FLNA: variants seen among roughly 807,000 people sequenced by gnomAD.
FLNA encodes filamin A.
Under a neutral mutation model 157.6 loss-of-function variants are expected in FLNA, and 7 were observed. The ratio of observed to expected loss-of-function variants is 0.04; its 90% CI spans 0.03 to 0.08. The LOEUF (loss-of-function observed/expected upper bound fraction) is 0.08. Ranked by LOEUF, FLNA falls within the 10% of genes least tolerant of loss-of-function variation. The pLI is 1.00. For missense variants in FLNA, 1,750 were observed against 2,398.4 expected (o/e 0.73, Z 5.65); for synonymous variants, 1,103 against 1,060.8 (o/e 1.04, Z -0.77).
At chrX:154,365,528 G>T in intron 9 of FLNA, 42 bp from the exon 10 acceptor site, 3 of 1,201,031 alleles carry the variant, frequency 2.5e-6, no homozygotes, top group Non-Finnish European at 3.4e-6. Flanking sequence ...AGCTCGGCTG[G>T]GCGACCCCTC....
At chrX:154,357,363 G>A (rs1173480750) in intron 29 of FLNA, 71 bp downstream of exon 29, 26 of 1,193,387 alleles carry the variant, frequency 2.2e-5, no homozygotes, top group Middle Eastern at 2.4e-4. Flanking sequence ...CCCAAGCAGC[G>A]AGCCCTTGCA....
At chrX:154,362,178 C>T in intron 18 of FLNA, 30 bp from the exon 19 acceptor site, 3 of 1,209,608 alleles carry the variant, frequency 2.5e-6, no homozygotes, top group Non-Finnish European at 3.4e-6. Context: ...CATGTAGGGG[C>T]ACCCTGCCCC....
intron 21 of FLNA, 43 bp from the exon 22 acceptor site, chrX:154,360,630 C>G: frequency 9.1e-7 from 1 of 1,096,951 alleles, no homozygotes; most frequent in Non-Finnish European, 1.2e-6. Context: ...CACTATGCCC[C>G]GATCCCAGAC....
rs2067687279 is a variant in FLNA at position 154,359,422 on chromosome X, A to G, written c.4143-16T>C. 2 of 1,211,693 alleles carry G rather than the reference A, an allele frequency of 1.7e-6. No homozygotes were observed. Among genetic ancestry groups the G allele is most frequent in the East Asian group, 5.9e-5 (2 of 33,858 alleles). ...GCCAGCTCCCCTGGTCCAAACAGAC[A>G]GCCGGTCATTCCTGGGGTTCCCAGG... On this transcript the variant is annotated splice_polypyrimidine_tract_variant and intron_variant, in intron 24 of 47. Transcript: ENST00000369850.
Position 154,359,790 on chromosome X carries a change from G to C in FLNA, c.3921C>G (p.Thr1307=). Reference sequence around the variant, plus strand: ...TGCCATCGCCACGGTCCTGAACGTAGGTCTCCGTCAGGTTGCCTGAGGGGT... The same window carrying C: ...TGCCATCGCCACGGTCCTGAACGTACGTCTCCGTCAGGTTGCCTGAGGGGT... ...VANPSGNLTE[T]YVQDRGDGMY... The change falls in exon 23 of 48, where the codon ACC becomes ACG. Residue 1307 remains threonine (T), a synonymous_variant. Coordinates refer to ENST00000369850, the MANE Select transcript of FLNA (RefSeq NM_001110556.2). The C allele has an allele frequency of 8.3e-7, 1 of 1,211,030 alleles. No individual in the cohort carries two copies.
At position 154,354,227 on chromosome X, in the gene FLNA, G is replaced by A. The variant is rs782576165; in HGVS notation, c.5481C>T (p.Thr1827=). 25 of 1,210,630 alleles carry A rather than the reference G, an allele frequency of 2.1e-5. No individual in the cohort carries two copies. The highest frequency in any genetic ancestry group is 4.6e-4 in the Middle Eastern group (2 of 4,354). ...CGCTGGGTGCATACCGCACGGTCAC[G>A]GTGCCGTCTTTGTTGTCAGTGATGG... ...QPTITDNKDG[T]VTVRYAPSEA... Residue 1827 remains threonine, a synonymous_variant, in exon 34 of 48, where the codon ACC becomes ACT. Coordinates refer to ENST00000369850, the MANE Select transcript of FLNA (RefSeq NM_001110556.2).
chrX:154,353,525 T>G, intron 36 of FLNA, 29 bp downstream of exon 36: 1 of 1,210,999 alleles, frequency 8.3e-7, no homozygotes, highest in Non-Finnish European at 1.1e-6. Flanking sequence ...CTGCCACCCG[T>G]TTCTGTCACT....
chrX:154,363,336 T>G (rs5945420), intron 15 of FLNA, among the ~76,000 whole-genome samples: 20,587 of 108,666 alleles, frequency 0.19, 1,532 homozygotes, highest in South Asian at 0.56. Flanking sequence ...GAGAATTGCT[T>G]GAATCTGGCA....
chrX:154,362,146 C>T lies in FLNA; in HGVS notation c.2659G>A (p.Val887Ile), dbSNP rs1156296397. The change falls in exon 19 of 48, where the codon GTC becomes ATC. Residue 887 changes from valine (V) to isoleucine (I), a missense_variant and splice_region_variant. Coordinates refer to ENST00000369850, the MANE Select transcript of FLNA (RefSeq NM_001110556.2). ...AAGTGGGTGGGCTTGCCAAGCTCGA[C>T]ACCTGAGGAACACACAGGGACCATG... ...AEGPGLSRTGVELGKPTHFTV... is the reference protein window; with the variant it reads ...AEGPGLSRTGIELGKPTHFTV... 2 of 1,209,912 alleles carry T rather than the reference C, an allele frequency of 1.7e-6. No homozygotes were observed. Among genetic ancestry groups the T allele is most frequent in the East Asian group, 3.0e-5 (1 of 33,778 alleles).
intron 43 of FLNA, 43 bp downstream of exon 43, chrX:154,351,538 G>T: frequency 1.1e-6 from 1 of 945,449 alleles, no homozygotes; most frequent in Non-Finnish European, 1.5e-6. Flanking sequence ...TGGTCTGTCC[G>T]GGCCCAGGAG....
rs782139704 is a variant in FLNA at position 154,371,033 on chromosome X, C to G, written c.213G>C (p.Leu71=). The G allele has an allele frequency of 3.3e-6, 4 of 1,208,077 alleles. No individual in the cohort carries two copies. The highest frequency in any genetic ancestry group is 4.5e-6 in the Non-Finnish European group (4 of 893,552). Residue 71 remains leucine, a synonymous_variant, in exon 2 of 48, where the codon CTG becomes CTC. Coordinates refer to ENST00000369850, the MANE Select transcript of FLNA (RefSeq NM_001110556.2). The part of the protein sequence containing the change: ...SKRIANLQTD[L]SDGLRLIALL... Reference sequence around the variant, plus strand: ...GCGCGATAAGCCGCAGCCCGTCGCTCAGGTCCGTCTGCAGGTTGGCGATGC... The same window carrying G: ...GCGCGATAAGCCGCAGCCCGTCGCTGAGGTCCGTCTGCAGGTTGGCGATGC...
intron 4 of FLNA, 28 bp from the exon 5 acceptor site, chrX:154,367,572 C>A (rs189693234): frequency 8.3e-7 from 1 of 1,211,113 alleles, no homozygotes; most frequent in Non-Finnish European, 1.1e-6. Context: ...CAGGAGCCAT[C>A]GGGCCTCCGA....
At chrX:154,369,699 C>T (rs902374932) in intron 2 of FLNA, among the ~76,000 whole-genome samples, 17 of 112,137 alleles carry the variant, frequency 1.5e-4, no homozygotes, top group Non-Finnish European at 2.8e-4. Flanking sequence ...CCCGCCTCCC[C>T]ACATCCGGTC....
chrX:154,357,366 C>A, intron 29 of FLNA, 68 bp downstream of exon 29: 1 of 1,193,745 alleles, frequency 8.4e-7, no homozygotes, highest in Middle Eastern at 2.4e-4. Context: ...AAGCAGCGAG[C>A]CCTTGCACAC....
rs1000839676 is a variant in FLNA at position 154,368,907 on chromosome X, C to G, written c.374-817G>C. Among the ~76,000 whole-genome samples the G allele has an allele frequency of 5.3e-5, 6 of 112,845 alleles. No homozygotes were observed. The Admixed American group carries it at 5.6e-4, about 10-fold the overall frequency. ...TGCCACCTAACGGGCCTCTGGGCCT[C>G]GGCAGGCTCGCCACAGGGGAAGTGG... On this transcript the variant is annotated intron_variant, in intron 2 of 47. Coordinates refer to ENST00000369850, the MANE Select transcript of FLNA (RefSeq NM_001110556.2).
intron 30 of FLNA, 139 bp downstream of exon 30, chrX:154,357,112 C>CT (rs1569551549): frequency 3.3e-6 from 2 of 598,109 alleles, no homozygotes; most frequent in Non-Finnish European, 2.6e-6. Flanking sequence ...AGCCCACGGC[C>CT]TCATCTTCTG....
rs782260601 is a variant in FLNA at position 154,353,278 on chromosome X, G to A, written c.6022+18C>T. 3.3e-6 allele frequency: 4 copies of A among 1,211,529 alleles called. No individual in the cohort carries two copies. In the South Asian group the frequency reaches 7.0e-5, roughly 21 times the overall value. The stretch of plus-strand genomic sequence containing the variant: ...GGCTGCCTCCTTTCTGAACCCCCTG[G>A]ACCCTTCAGCCGCTTACCCACGTGG... On this transcript the variant is annotated intron_variant, in intron 37 of 47. Coordinates refer to ENST00000369850, the MANE Select transcript of FLNA (RefSeq NM_001110556.2).
In FLNA at chrX:154,349,831, G is replaced by T; in HGVS notation, c.7370C>A (p.Ala2457Glu). The T allele has an allele frequency of 8.3e-7, 1 of 1,211,285 alleles. No individual in the cohort carries two copies. The highest frequency in any genetic ancestry group is 1.8e-5 in the South Asian group (1 of 57,010). ...PAEFVVNTSN[A>E]GAGALSVTID... ...GGTCACCGACAGGGCACCAGCTCCC[G>T]CATTGCTCGTGTTCACGACGAACTC... is the stretch of plus-strand genomic sequence containing the variant. Residue 2457 changes from alanine to glutamate, a missense_variant, in exon 46 of 48, where the codon GCG (alanine) becomes GAG (glutamate). By Grantham distance (107) the Ala-to-Glu change is moderately radical. Coordinates refer to ENST00000369850, the MANE Select transcript of FLNA (RefSeq NM_001110556.2).
Position 154,361,969 on chromosome X carries a change from G to A in FLNA, c.2826+10C>T, listed in dbSNP as rs1472055385. On this transcript the variant is annotated intron_variant, in intron 19 of 47. Transcript: ENST00000369850. ...GGGGACTCGGTGACTGTAGTGGAGGGTGTGGCTACCTGCTGGACAGGCGTG... is the reference window on the plus strand; with the variant it reads ...GGGGACTCGGTGACTGTAGTGGAGGATGTGGCTACCTGCTGGACAGGCGTG... 2 of 1,207,021 alleles carry A rather than the reference G, an allele frequency of 1.7e-6. No homozygotes were observed. Among genetic ancestry groups the A allele is most frequent in the East Asian group, 3.0e-5 (1 of 33,740 alleles).
Sources: gnomAD v4.1 joint callset for allele counts (sites outside exome capture counted in the v4.1 genomes callset) on GRCh38, gnomAD v4.1.1 for gene constraint, MANE v1.5 for transcripts, NCBI Gene and HGNC (gene_info 2026-07-23, HGNC 2026-07-21) for gene names.